Variants in SEC24B observed in about 807,000 individuals in gnomAD.
SEC24B encodes the protein protein transport protein Sec24B.
A neutral mutation model predicts 142.8 loss-of-function variants in SEC24B; 45 were observed. The ratio of observed to expected loss-of-function variants is 0.32; its 90% CI spans 0.25 to 0.40. The LOEUF is 0.40. SEC24B is among the 10% of genes least tolerant of loss of function. The probability of loss-of-function intolerance (pLI) is 1.00; values close to 1 mark genes in which losing one functional copy is unlikely to be tolerated. For synonymous variants in SEC24B, 574 were observed against 568.2 expected, an observed-to-expected ratio of 1.01 and a Z score of -0.15; for missense variants, 1,409 against 1,526.8, an observed-to-expected ratio of 0.92 and a Z score of 1.29.
In SEC24B at chr4:109,533,649, T is replaced by G. The variant is rs1440119785; in HGVS notation, c.3552T>G (p.Leu1184=). 1 of 1,608,816 alleles carries G rather than the reference T, an allele frequency of 6.2e-7. No individual in the cohort carries two copies. Among genetic ancestry groups the G allele is most frequent in the East Asian group, 2.2e-5 (1 of 44,746 alleles). Residue 1184 remains leucine, a synonymous_variant, in exon 22 of 24, where the codon CTT becomes CTG. Transcript: ENST00000265175. ...GCDNNFIEDV[L]GYTNFASIPQ... is the part of the protein sequence containing the mutation. ...ACAATAACTTCATAGAGGATGTGCT[T>G]GGATATACTAATTTTGCATCAATAC... is the stretch of plus-strand genomic sequence containing the variant.
Position 109,483,034 on chromosome 4 carries a change from T to TTATATATATGTATTTATGTATTTA in SEC24B, c.1165+1263_1165+1286dup, listed in dbSNP as rs1733955006. On this transcript the variant is annotated intron_variant, in intron 4 of 23. Transcript: ENST00000265175. ...ATACATATGTTTTTTATATATGTAT[T>TTATATATATGTATTTATGTATTTA]TATATATATGTATTTATGTATTTAT... is the stretch of plus-strand genomic sequence containing the variant. 3.7e-5 allele frequency among the ~76,000 whole-genome samples: 4 copies of TTATATATATGTATTTATGTATTTA among 108,748 alleles called. No homozygotes were observed. The South Asian group carries it at 8.5e-4, about 23-fold the overall frequency. 71.3% of individuals were successfully genotyped at this position (108,748 alleles called of 152,430 possible). A position where few individuals can be genotyped will look rare whatever the true frequency, so the allele number is the denominator to read the frequency against.
intron 5 of SEC24B, among the ~76,000 whole-genome samples, chr4:109,492,712 ATAT>A (rs1226434489): frequency 1.1e-4 from 17 of 152,274 alleles, no homozygotes; most frequent in African/African-American, 3.9e-4. Flanking sequence ...AAACCTAGAA[ATAT>A]TATTCTTTCC....
intron 3 of SEC24B, among the ~76,000 whole-genome samples, chr4:109,481,220 A>G (rs968648635): frequency 3.9e-5 from 6 of 152,098 alleles, no homozygotes; most frequent in Non-Finnish European, 4.4e-5. Context: ...GTTTACCATC[A>G]AGGTAACATT....
intron 4 of SEC24B, among the ~76,000 whole-genome samples, chr4:109,485,765 A>C (rs1734289820): frequency 6.6e-6 from 1 of 152,214 alleles, no homozygotes; most frequent in Non-Finnish European, 1.5e-5. Context: ...TGGGAATTAC[A>C]TGTAAGTGTC....
chr4:109,529,788 A>G (rs1473894402), intron 18 of SEC24B, among the ~76,000 whole-genome samples: 3 of 152,210 alleles, frequency 2.0e-5, no homozygotes, highest in Non-Finnish European at 4.4e-5. Flanking sequence ...CGCCCATGCC[A>G]GAGTGCACAA....
chr4:109,466,815 T>G (rs1731945619), intron 2 of SEC24B, among the ~76,000 whole-genome samples: 2 of 152,210 alleles, frequency 1.3e-5, no homozygotes, highest in Non-Finnish European at 2.9e-5. Flanking sequence ...AAGTCCTCAG[T>G]CATTTTATAG....
In SEC24B at chr4:109,520,229, ATAGGGATAATTTTTC is replaced by A. The variant is rs373191691; in HGVS notation, c.2127-135_2127-121del. 1.8e-4 allele frequency: 107 copies of A among 601,426 alleles called. 1 individual carries two copies. The African/African-American group carries it at 1.9e-3, about 10-fold the overall frequency. The allele number at this position is 601,426 out of a possible 1,614,324, so 37.3% of individuals were successfully genotyped here. On this transcript the variant is annotated intron_variant, in intron 11 of 23. Transcript: ENST00000265175. ...TCTTCTCTGATATATATTTGTTTAG[ATAGGGATAATTTTTC>A]TGTCCCCTGTAGAAAAGCATATGTG...
intron 4 of SEC24B, among the ~76,000 whole-genome samples, chr4:109,483,089 TA>T (rs1369985380): frequency 1.4e-4 from 20 of 146,366 alleles, no homozygotes; most frequent in African/African-American, 4.7e-4. Context: ...TATATATATA[TA>T]TTTTTTTGAG....
chr4:109,440,332 T>C (rs999204750), intron 1 of SEC24B, among the ~76,000 whole-genome samples: 11 of 152,222 alleles, frequency 7.2e-5, no homozygotes, highest in African/African-American at 2.7e-4. Context: ...TTCATGTTAC[T>C]TTATCTTTCC....
At chr4:109,517,226 A>AAGTATCC (rs1351178053) in intron 11 of SEC24B, among the ~76,000 whole-genome samples, 1 of 152,252 alleles carries the variant, frequency 6.6e-6, no homozygotes, top group Non-Finnish European at 1.5e-5. Flanking sequence ...TAATCAGACT[A>AAGTATCC]AGTATCCATC....
In SEC24B at chr4:109,463,071, G is replaced by A. The variant is rs1258489615; in HGVS notation, c.304G>A (p.Val102Met). ...TCTCTATACAGTACCAACACAAAATGTGACTCCTAACACAGTGAACCAGCA... is the reference window on the plus strand; with the variant it reads ...TCTCTATACAGTACCAACACAAAATATGACTCCTAACACAGTGAACCAGCA... ...SALYTVPTQN[V>M]TPNTVNQQPG... Residue 102 changes from valine (V) to methionine (M), a missense_variant, in exon 2 of 24, where the codon GTG (valine) becomes ATG (methionine). By Grantham distance (21) the Val-to-Met change is conservative. Around this residue, in one of 2 missense-constraint regions of SEC24B, gnomAD observed 709 missense variants for 673.5 expected, o/e 1.05. Coordinates refer to ENST00000265175, the MANE Select transcript of SEC24B (RefSeq NM_006323.5). 1 of 1,614,134 alleles carries A rather than the reference G, an allele frequency of 6.2e-7. No individual in the cohort carries two copies. The highest frequency in any genetic ancestry group is 8.5e-7 in the Non-Finnish European group (1 of 1,180,012).
chr4:109,467,209 C>G (rs1049792676), intron 2 of SEC24B, among the ~76,000 whole-genome samples: 6 of 150,912 alleles, frequency 4.0e-5, no homozygotes, highest in Non-Finnish European at 7.4e-5. Flanking sequence ...GCCTGTAGTC[C>G]CAGCTACTCG....
At chr4:109,439,282 C>T (rs1330632169) in intron 1 of SEC24B, among the ~76,000 whole-genome samples, 1 of 151,912 alleles carries the variant, frequency 6.6e-6, no homozygotes, top group Non-Finnish European at 1.5e-5. Context: ...ACTTTGAGGG[C>T]ACATGCAGCA....
intron 5 of SEC24B, 150 bp downstream of exon 5, chr4:109,491,557 A>G: frequency 1.8e-6 from 1 of 545,224 alleles, no homozygotes; most frequent in Non-Finnish European, 3.2e-6. Flanking sequence ...GCCTCAACTT[A>G]ATAGCGTTGT....
intron 4 of SEC24B, among the ~76,000 whole-genome samples, chr4:109,485,749 T>C (rs1734287612): frequency 6.6e-6 from 1 of 152,188 alleles, no homozygotes; most frequent in South Asian, 2.1e-4. Context: ...GTGGCTGAAA[T>C]TGGTGTGGGA....
intron 1 of SEC24B, among the ~76,000 whole-genome samples, chr4:109,443,260 T>C (rs1375449746): frequency 1.3e-5 from 2 of 152,242 alleles, no homozygotes; most frequent in Non-Finnish European, 2.9e-5. Context: ...TCTTGTGTTA[T>C]CTGAGACAAA....
intron 1 of SEC24B, among the ~76,000 whole-genome samples, chr4:109,451,463 A>T (rs1049928202): frequency 6.6e-6 from 1 of 151,864 alleles, no homozygotes; most frequent in African/African-American, 2.4e-5. Flanking sequence ...CAAAGTGCCA[A>T]TACTATTGAT....
chr4:109,501,462 C>T (rs1736135867), intron 6 of SEC24B, among the ~76,000 whole-genome samples: 5 of 152,160 alleles, frequency 3.3e-5, no homozygotes, highest in Admixed American at 6.5e-5. Flanking sequence ...AGAATCAAAA[C>T]ATTTAATTGT....
At chr4:109,457,071 C>T (rs1366800604) in intron 1 of SEC24B, among the ~76,000 whole-genome samples, 1 of 150,774 alleles carries the variant, frequency 6.6e-6, no homozygotes, top group Non-Finnish European at 1.5e-5. Context: ...GTGAAAAAGG[C>T]AAATATCATC....
Sources: gnomAD v4.1 joint callset for allele counts (sites outside exome capture counted in the v4.1 genomes callset) on GRCh38, gnomAD v4.1.1 for gene constraint, gnomAD v4.1.1 regional missense constraint, MANE v1.5 for transcripts, NCBI Gene and HGNC (gene_info 2026-07-23, HGNC 2026-07-21) for gene names.